The following CEMIP variants were observed in gnomAD, a reference collection of about 807,000 sequenced individuals.
CEMIP encodes the protein cell migration-inducing and hyaluronan-binding protein.
CEMIP carries 105 observed loss-of-function variants against 156.9 expected under a neutral mutation model. The ratio of observed to expected loss-of-function variants is 0.67; its 90% CI spans 0.57 to 0.79. The LOEUF is 0.79. CEMIP is among the 30% of genes least tolerant of loss of function. CEMIP has a pLI of 0.00. For missense variants in CEMIP, 1,457 were observed against 1,769.4 expected, an observed-to-expected ratio of 0.82 and a Z score of 3.17; for synonymous variants, 676 against 668.4, an observed-to-expected ratio of 1.01 and a Z score of -0.17.
At chr15:80,798,540 A>G (rs1458116975) in intron 1 of CEMIP, among the ~76,000 whole-genome samples, 1 of 152,204 alleles carries the variant, frequency 6.6e-6, no homozygotes, top group Non-Finnish European at 1.5e-5. Flanking sequence ...TGATATTACT[A>G]TAACTTAAAA....
intron 1 of CEMIP, among the ~76,000 whole-genome samples, chr15:80,858,699 T>C (rs1897913132): frequency 6.6e-6 from 1 of 151,986 alleles, no homozygotes; most frequent in African/African-American, 2.4e-5. Flanking sequence ...CACTCCAGCC[T>C]GAGCAACAAG....
chr15:80,941,025 T>C (rs564016066), intron 25 of CEMIP, among the ~76,000 whole-genome samples: 1 of 152,216 alleles, frequency 6.6e-6, no homozygotes, highest in African/African-American at 2.4e-5. Context: ...TGGTTACTGG[T>C]TGGCCAATCC....
chr15:80,848,570 C>T (rs1180876440), intron 1 of CEMIP, among the ~76,000 whole-genome samples: 1 of 152,202 alleles, frequency 6.6e-6, no homozygotes, highest in East Asian at 1.9e-4. Context: ...TTCACATCGT[C>T]CCATTTATGG....
At chr15:80,938,123 C>G in intron 25 of CEMIP, 144 bp downstream of exon 25, 1 of 688,902 alleles carries the variant, frequency 1.5e-6, no homozygotes, top group Non-Finnish European at 2.6e-6. Context: ...CTAAGGCTGA[C>G]TGTCCCATAC....
intron 1 of CEMIP, among the ~76,000 whole-genome samples, chr15:80,784,032 G>GA (rs1895863964): frequency 6.6e-6 from 1 of 152,174 alleles, no homozygotes; most frequent in Non-Finnish European, 1.5e-5. Context: ...GAGCCCTGGG[G>GA]AGCACAAGCA....
At chr15:80,915,717 A>G (rs1380717260) in intron 14 of CEMIP, among the ~76,000 whole-genome samples, 2 of 151,448 alleles carry the variant, frequency 1.3e-5, no homozygotes, top group Non-Finnish European at 2.9e-5. Flanking sequence ...TCATTCTCCC[A>G]TCCTCCTCCC....
intron 12 of CEMIP, among the ~76,000 whole-genome samples, chr15:80,900,640 G>C (rs200352850): frequency 0.016 from 2,113 of 130,362 alleles, 17 homozygotes; most frequent in Non-Finnish European, 0.026. Flanking sequence ...GTGTGTGTGT[G>C]TGTGTGTGTC....
intron 1 of CEMIP, among the ~76,000 whole-genome samples, chr15:80,810,729 T>G (rs1896649501): frequency 6.6e-6 from 1 of 152,170 alleles, no homozygotes; most frequent in Non-Finnish European, 1.5e-5. Flanking sequence ...GCTCCTTGTC[T>G]ATTCACCTAT....
At chr15:80,947,414 A>G in intron 29 of CEMIP, 1 of 312,058 alleles carries the variant, frequency 3.2e-6, no homozygotes, top group Non-Finnish European at 6.2e-6. Context: ...TGCTATTCAG[A>G]CTGGCCAGGG....
At chr15:80,815,411 G>C (rs1276290768) in intron 1 of CEMIP, among the ~76,000 whole-genome samples, 1 of 152,222 alleles carries the variant, frequency 6.6e-6, no homozygotes, top group South Asian at 2.1e-4. Flanking sequence ...TGAAAACGAG[G>C]CCAAGAATAC....
intron 7 of CEMIP, among the ~76,000 whole-genome samples, chr15:80,886,477 G>T (rs752795936): frequency 1.3e-5 from 2 of 152,058 alleles, no homozygotes; most frequent in Non-Finnish European, 2.9e-5. Context: ...CAAGACAAGA[G>T]ATCAAAACAA....
At chr15:80,911,500 G>A (rs1452581455) in intron 14 of CEMIP, among the ~76,000 whole-genome samples, 4 of 150,994 alleles carry the variant, frequency 2.6e-5, no homozygotes, top group Non-Finnish European at 4.4e-5. Flanking sequence ...TTGAATGGAA[G>A]CTGTTGTGAA....
chr15:80,946,481 A>C (rs1401210027), intron 28 of CEMIP: 1 of 171,250 alleles, frequency 5.8e-6, no homozygotes, highest in African/African-American at 2.4e-5. Context: ...GGATGGTTTT[A>C]TGATTTGACA....
chr15:80,870,719 T>C (rs1424967021), intron 1 of CEMIP, among the ~76,000 whole-genome samples: 1 of 152,242 alleles, frequency 6.6e-6, no homozygotes, highest in Non-Finnish European at 1.5e-5. Flanking sequence ...CCATGGGGAC[T>C]GAGCAGCAGT....
At chr15:80,863,266 C>G (rs1020249743) in intron 1 of CEMIP, among the ~76,000 whole-genome samples, 4 of 152,300 alleles carry the variant, frequency 2.6e-5, no homozygotes, top group South Asian at 2.1e-4. Context: ...AATACACCCA[C>G]CTGTTTTGAT....
chr15:80,789,639 G>T (rs1249314196), intron 1 of CEMIP, among the ~76,000 whole-genome samples: 2 of 152,080 alleles, frequency 1.3e-5, no homozygotes, highest in Non-Finnish European at 2.9e-5. Context: ...GAAGAGGCTT[G>T]GAGATTCCTC....
intron 25 of CEMIP, among the ~76,000 whole-genome samples, chr15:80,941,600 G>A (rs963794088): frequency 3.3e-5 from 5 of 152,194 alleles, no homozygotes; most frequent in African/African-American, 9.7e-5. Context: ...GTCGATTTAC[G>A]ATGTGTGCAC....
At chr15:80,860,999 C>T (rs1466672674) in intron 1 of CEMIP, among the ~76,000 whole-genome samples, 1 of 152,052 alleles carries the variant, frequency 6.6e-6, no homozygotes, top group Non-Finnish European at 1.5e-5. Context: ...CTCTCTGTAG[C>T]TCTTTGTGTG....
At chr15:80,880,005 A>G (rs1205255400) in intron 5 of CEMIP, 151 bp downstream of exon 5, 3 of 917,778 alleles carry the variant, frequency 3.3e-6, no homozygotes, top group East Asian at 2.6e-5. Context: ...CAAGACAGAC[A>G]TGGTGATTTG....
Sources: gnomAD v4.1 joint callset for allele counts (sites outside exome capture counted in the v4.1 genomes callset) on GRCh38, gnomAD v4.1.1 for gene constraint, MANE v1.5 for transcripts, NCBI Gene and HGNC (gene_info 2026-07-23, HGNC 2026-07-21) for gene names.